The following TCHP variants were observed in gnomAD, a reference collection of about 807,000 sequenced individuals.
The protein encoded by TCHP is trichoplein keratin filament binding.
Under a neutral mutation model 88.7 loss-of-function variants are expected in TCHP, and 81 were observed. The observed-to-expected ratio is 0.91, with a 90% confidence interval of 0.76 to 1.10. The LOEUF is 1.10. Ranked by LOEUF, TCHP falls within the 50% of genes least tolerant of loss-of-function variation. The probability of loss-of-function intolerance (pLI) is 0.00; values close to 1 mark genes in which losing one functional copy is unlikely to be tolerated. For missense variants in TCHP, 641 were observed against 632.1 expected (o/e 1.01, Z -0.15); for synonymous variants, 232 against 232.5 (o/e 1.00, Z 0.02).
At chr12:109,907,824 A>C in intron 6 of TCHP, 125 bp downstream of exon 6, 1 of 1,080,092 alleles carries the variant, frequency 9.3e-7, no homozygotes, top group East Asian at 2.6e-5. Context: ...GGGCGGCAGC[A>C]GCCGGGTTCT....
rs201132176 is a variant in TCHP at position 109,911,105 on chromosome 12, G to A, written c.922G>A (p.Asp308Asn). Residue 308 changes from aspartate to asparagine, a missense_variant, in exon 9 of 13, where the codon GAC becomes AAC. Asp to Asn is a conservative substitution (Grantham distance 23, BLOSUM62 1). Coordinates refer to ENST00000405876, the MANE Select transcript of TCHP (RefSeq NM_001143852.2). ...RILQALLEKE[D>N]ESQRLHLARR... Reference sequence around the variant, plus strand: ...CCTGCAGGCCCTCCTCGAGAAGGAGGACGAGAGCCAGCGCCTCCACCTGGC... The same window carrying A: ...CCTGCAGGCCCTCCTCGAGAAGGAGAACGAGAGCCAGCGCCTCCACCTGGC... 2.5e-6 allele frequency: 4 copies of A among 1,596,970 alleles called. No homozygotes were observed. The highest frequency in any genetic ancestry group is 3.5e-5 in the Admixed American group (2 of 57,564).
chr12:109,882,049 G>C, the TCHP span, among the ~76,000 whole-genome samples: 2 of 152,064 alleles, frequency 1.3e-5, no homozygotes, highest in Non-Finnish European at 2.9e-5. Context: ...TACACAAATT[G>C]GTAAGACAAC....
intron 4 of TCHP, among the ~76,000 whole-genome samples, chr12:109,906,284 G>A (rs910737466): frequency 1.3e-5 from 2 of 152,270 alleles, no homozygotes; most frequent in South Asian, 2.1e-4. Flanking sequence ...CCATTTCAGC[G>A]TCCAGCCCAA....
Position 109,911,027 on chromosome 12 carries a change from C to T in TCHP, c.880-36C>T, listed in dbSNP as rs368380926. 190 of 1,504,194 alleles carry T rather than the reference C, an allele frequency of 1.3e-4. 1 individual carries two copies. The East Asian group carries it at 2.7e-3, about 21-fold the overall frequency. The allele number at this position is 1,504,194 out of a possible 1,614,324, so 93.2% of individuals were successfully genotyped here. A position where few individuals can be genotyped will look rare whatever the true frequency, so the allele number is the denominator to read the frequency against. On this transcript the variant is annotated intron_variant, in intron 8 of 12. Transcript: ENST00000405876. ...GGCTCTCATTGCAGAAGGACTCTGTCCAGCCCAGCCACGTGCCGCCCTCTG... is the reference window on the plus strand; with the variant it reads ...GGCTCTCATTGCAGAAGGACTCTGTTCAGCCCAGCCACGTGCCGCCCTCTG...
the TCHP span, among the ~76,000 whole-genome samples, chr12:109,891,020 G>A: frequency 3.3e-5 from 5 of 152,210 alleles, no homozygotes; most frequent in Admixed American, 2.0e-4. Flanking sequence ...TAACGAGTCC[G>A]GGTAATGGTT....
At chr12:109,906,443 C>A in intron 4 of TCHP, 129 bp from the exon 5 acceptor site, 1 of 723,496 alleles carries the variant, frequency 1.4e-6, no homozygotes, top group Non-Finnish European at 2.4e-6. Context: ...GACGCCTGTG[C>A]CACTGAGTCC....
At chr12:109,882,744 G>A in the TCHP span, among the ~76,000 whole-genome samples, 3 of 134,066 alleles carry the variant, frequency 2.2e-5, no homozygotes, top group African/African-American at 2.8e-5. Flanking sequence ...TGCAACCTCC[G>A]CCTCCCGGGT....
the TCHP span, chr12:109,888,459 T>A: frequency 6.6e-6 from 1 of 152,196 alleles, no homozygotes; most frequent in Admixed American, 6.5e-5. Flanking sequence ...ATCAACTCAG[T>A]GTGGGTGAGG....
the TCHP span, among the ~76,000 whole-genome samples, chr12:109,891,711 C>CT: frequency 4.0e-3 from 582 of 146,452 alleles, 3 homozygotes; most frequent in African/African-American, 0.011. Flanking sequence ...CCAATATTTG[C>CT]TTTTTTTTTT....
chr12:109,902,981 T>C, intron 1 of TCHP, 46 bp from the exon 2 acceptor site: 1 of 1,527,196 alleles, frequency 6.5e-7, no homozygotes, highest in South Asian at 1.2e-5. Context: ...TGGTGAGGGT[T>C]CCTGGGATTT....
chr12:109,911,419 C>G (rs935875931), intron 9 of TCHP, among the ~76,000 whole-genome samples, 184 bp downstream of exon 9: 1 of 151,964 alleles, frequency 6.6e-6, no homozygotes, highest in Non-Finnish European at 1.5e-5. Flanking sequence ...TGAGATCAGC[C>G]TGGGCAACAT....
At position 109,915,630 on chromosome 12, in the gene TCHP, C is replaced by T. The variant is rs528025722; in HGVS notation, c.1464+84C>T. 539 of 1,448,344 alleles carry T rather than the reference C, an allele frequency of 3.7e-4. 2 individuals are homozygous for T. Among genetic ancestry groups the T allele is most frequent in the Middle Eastern group, 6.7e-4 (3 of 4,502 alleles). The allele number at this position is 1,448,344 out of a possible 1,614,324, so 89.7% of individuals were successfully genotyped here. A position where few individuals can be genotyped will look rare whatever the true frequency, so the allele number is the denominator to read the frequency against. On this transcript the variant is annotated intron_variant, in intron 12 of 12. Transcript: ENST00000405876. ...GCTCCCCTGGGCCTGCTCATCGCCC[C>T]GCGCCGGGGTCTGCTCTCCGGCCGT...
chr12:109,916,846 T>C lies in TCHP; in HGVS notation c.*223T>C, dbSNP rs1870847936. ...CCTTTCTTACCCAAGCAAGGGTCTT[T>C]GATGGGCACGTGTTTACAGCGCTGC... On this transcript the variant is annotated 3_prime_UTR_variant, in exon 13 of 13. Coordinates refer to ENST00000405876, the MANE Select transcript of TCHP (RefSeq NM_001143852.2). The C allele has an allele frequency of 3.7e-6, 2 of 545,740 alleles. No individual in the cohort carries two copies. The highest frequency in any genetic ancestry group is 6.5e-6 in the Non-Finnish European group (2 of 309,394). 33.8% of individuals were successfully genotyped at this position (545,740 alleles called of 1,614,324 possible).
At chr12:109,882,589 G>A in the TCHP span, among the ~76,000 whole-genome samples, 1 of 151,694 alleles carries the variant, frequency 6.6e-6, no homozygotes, top group African/African-American at 2.4e-5. Flanking sequence ...GTTGAGGTCA[G>A]GGAGGTGGGC....
intron 12 of TCHP, among the ~76,000 whole-genome samples, chr12:109,915,897 A>G (rs114221426): frequency 6.6e-5 from 10 of 152,258 alleles, no homozygotes; most frequent in African/African-American, 2.4e-4. Flanking sequence ...GAGACAGTGA[A>G]GCCCGATGAA....
rs749955505 is a variant in TCHP at position 109,911,083 on chromosome 12, G to A, written c.900G>A (p.Leu300=). 2 of 1,592,452 alleles carry A rather than the reference G, an allele frequency of 1.3e-6. No homozygotes were observed. The highest frequency in any genetic ancestry group is 2.3e-5 in the South Asian group (2 of 87,446). The part of the protein sequence containing the change: ...QEELEADRRI[L]QALLEKEDES... Reference sequence around the variant, plus strand: ...TCTAGGAGGCAGACAGGCGGATCCTGCAGGCCCTCCTCGAGAAGGAGGACG... The same window carrying A: ...TCTAGGAGGCAGACAGGCGGATCCTACAGGCCCTCCTCGAGAAGGAGGACG... The change falls in exon 9 of 13, where the codon CTG becomes CTA. Residue 300 remains leucine, a synonymous_variant. Coordinates refer to ENST00000405876, the MANE Select transcript of TCHP (RefSeq NM_001143852.2).
the TCHP span, among the ~76,000 whole-genome samples, chr12:109,882,679 G>T: frequency 2.6e-4 from 36 of 139,600 alleles, no homozygotes; most frequent in African/African-American, 7.9e-4. Context: ...TTTTGAGATG[G>T]AGTCTCACTC....
intron 1 of TCHP, chr12:109,901,077 G>C (rs1869761304): frequency 6.6e-6 from 1 of 152,202 alleles, no homozygotes; most frequent in African/African-American, 2.4e-5. Context: ...CTCCATGGTA[G>C]CCCAACATAC....
rs749757371 is a variant in TCHP, at chr12:109,913,105, T to C, written c.1134+33T>C. The C allele has an allele frequency of 5.6e-6, 9 of 1,606,832 alleles. No homozygotes were observed. In the South Asian group the frequency reaches 7.7e-5, roughly 14 times the overall value. Reference sequence around the variant, plus strand: ...CAGCTGCGGCGATGTGGACCGGCTGTTGGGTCTTGGGCAGGTGTCTGGAAG... The same window carrying C: ...CAGCTGCGGCGATGTGGACCGGCTGCTGGGTCTTGGGCAGGTGTCTGGAAG... On this transcript the variant is annotated intron_variant, in intron 10 of 12. Transcript: ENST00000405876.
Sources: gnomAD v4.1 joint callset for allele counts (sites outside exome capture counted in the v4.1 genomes callset) on GRCh38, gnomAD v4.1.1 for gene constraint, MANE v1.5 for transcripts, NCBI Gene and HGNC (gene_info 2026-07-23, HGNC 2026-07-21) for gene names.